SLC7A11: variants seen among roughly 807,000 people sequenced by gnomAD.
The protein encoded by SLC7A11 is cystine/glutamate transporter.
Under a neutral mutation model 54.5 loss-of-function variants are expected in SLC7A11, and 35 were observed. The ratio of observed to expected loss-of-function variants is 0.64; its 90% CI spans 0.49 to 0.85. The LOEUF (loss-of-function observed/expected upper bound fraction) is 0.85. Among genes scored for constraint, SLC7A11 ranks in the 40% least tolerant of loss-of-function variants. SLC7A11 has a pLI of 0.00. For missense variants in SLC7A11, 583 were observed against 618.1 expected, an observed-to-expected ratio of 0.94 and a Z score of 0.60; for synonymous variants, 230 against 225.2, an observed-to-expected ratio of 1.02 and a Z score of -0.19.
intron 1 of SLC7A11, among the ~76,000 whole-genome samples, chr4:138,237,871 C>T (rs1033825210): frequency 2.0e-5 from 3 of 146,554 alleles, no homozygotes; most frequent in African/African-American, 7.6e-5. Flanking sequence ...CCTGCCTCAG[C>T]CTCTCAAGTA....
chr4:138,233,207 T>A (rs2148453902), intron 2 of SLC7A11, among the ~76,000 whole-genome samples: 1 of 142,488 alleles, frequency 7.0e-6, no homozygotes, highest in East Asian at 2.2e-4. Flanking sequence ...TTTTTTGAAA[T>A]GGAGTCTCAC....
At chr4:138,207,737 G>A (rs1001042538) in intron 6 of SLC7A11, among the ~76,000 whole-genome samples, 8 of 151,994 alleles carry the variant, frequency 5.3e-5, no homozygotes, top group Admixed American at 2.0e-4. Flanking sequence ...AAAGCAAGCC[G>A]CATTCCCAAG....
chr4:138,211,400 A>G (rs939841164), intron 6 of SLC7A11, among the ~76,000 whole-genome samples: 1 of 151,898 alleles, frequency 6.6e-6, no homozygotes, highest in Non-Finnish European at 1.5e-5. Context: ...CAGGGGCCAC[A>G]CATGTACCCC....
intron 3 of SLC7A11, among the ~76,000 whole-genome samples, chr4:138,226,440 A>T (rs1737950302): frequency 6.6e-6 from 1 of 152,126 alleles, no homozygotes; most frequent in East Asian, 1.9e-4. Flanking sequence ...AATTTTTTTC[A>T]AAGGGTTCTT....
chr4:138,213,532 C>CCTCTCTCTCTCTCTCT (rs71600143), intron 6 of SLC7A11, among the ~76,000 whole-genome samples: 8 of 148,972 alleles, frequency 5.4e-5, no homozygotes, highest in South Asian at 2.2e-4. Context: ...TTGTGTTTCT[C>CCTCTCTCTCTCTCTCT]CTCTCTCTCT....
chr4:138,237,720 TATATATATATATATATA>T (rs1191133028), intron 1 of SLC7A11, among the ~76,000 whole-genome samples: 117 of 9,208 alleles, frequency 0.013, 2 homozygotes, highest in African/African-American at 0.017. Flanking sequence ...TATATATATA[TATATATATATATATATA>T]TTTTTTTTTT....
At chr4:138,213,776 AG>A (rs1486534857) in intron 6 of SLC7A11, among the ~76,000 whole-genome samples, 6 of 152,166 alleles carry the variant, frequency 3.9e-5, no homozygotes, top group African/African-American at 1.4e-4. Context: ...AAATACTTCA[AG>A]ACAAGTCTTA....
At chr4:138,219,233 C>T (rs1442555940) in intron 5 of SLC7A11, 33 bp downstream of exon 5, 4 of 1,257,818 alleles carry the variant, frequency 3.2e-6, no homozygotes, top group African/African-American at 2.9e-5. Context: ...TAATGAACTA[C>T]GCAAACCACC....
At chr4:138,232,453 T>G in intron 2 of SLC7A11, 71 bp from the exon 3 acceptor site, 1 of 798,040 alleles carries the variant, frequency 1.3e-6, no homozygotes, top group South Asian at 1.6e-5. Context: ...TTTTTCTACC[T>G]TGAGTGTATT....
chr4:138,221,565 G>A (rs935552651), intron 4 of SLC7A11, among the ~76,000 whole-genome samples: 9 of 152,114 alleles, frequency 5.9e-5, no homozygotes, highest in South Asian at 2.1e-4. Context: ...TCTCTGTTGT[G>A]TGAGATCTCT....
chr4:138,199,288 TA>T (rs201774180), intron 6 of SLC7A11, among the ~76,000 whole-genome samples: 5,062 of 151,930 alleles, frequency 0.033, 114 homozygotes, highest in African/African-American at 0.052. Context: ...AATTTCATCA[TA>T]TTTTTTTGGC....
intron 3 of SLC7A11, among the ~76,000 whole-genome samples, chr4:138,226,989 T>G (rs1560737900): frequency 6.6e-6 from 1 of 152,184 alleles, no homozygotes; most frequent in Admixed American, 6.5e-5. Flanking sequence ...GGAAGTGATA[T>G]CTATAAATCC....
intron 5 of SLC7A11, among the ~76,000 whole-genome samples, chr4:138,215,673 C>T (rs923928057): frequency 5.3e-5 from 8 of 151,914 alleles, no homozygotes; most frequent in African/African-American, 1.9e-4. Flanking sequence ...ACAATCAGTA[C>T]TTATATCTGC....
intron 1 of SLC7A11, among the ~76,000 whole-genome samples, chr4:138,237,729 ATATATATATTTTT>A (rs1738261923): frequency 9.7e-5 from 1 of 10,318 alleles, no homozygotes; most frequent in Non-Finnish European, 1.7e-4. Context: ...ATATATATAT[ATATATATATTTTT>A]TTTTTTTTTT....
intron 4 of SLC7A11, among the ~76,000 whole-genome samples, chr4:138,220,636 A>T (rs1290891920): frequency 6.6e-6 from 1 of 152,184 alleles, no homozygotes; most frequent in African/African-American, 2.4e-5. Context: ...ATTCAGATTT[A>T]CTTTAGTCAG....
intron 6 of SLC7A11, among the ~76,000 whole-genome samples, chr4:138,211,658 A>G (rs7691115): frequency 0.41 from 61,528 of 151,760 alleles, 13,357 homozygotes; most frequent in Middle Eastern, 0.61. Context: ...GGATAAGTGG[A>G]TACAGAAAAT....
chr4:138,179,344 AAC>A lies in SLC7A11; in HGVS notation c.1315_1316del (p.Val439CysfsTer10), dbSNP rs1338225591. 1.2e-6 allele frequency: 2 copies of A among 1,612,680 alleles called. No homozygotes were observed. The highest frequency in any genetic ancestry group is 1.7e-6 in the Non-Finnish European group (2 of 1,179,246). On this transcript the variant is annotated frameshift_variant, in exon 11 of 12. Transcript: ENST00000280612. LOFTEE classifies it high-confidence loss of function. Reference sequence around the variant, plus strand: ...ATGGGTCCGAATAGAGGGAAAGGGCAACCATGAAGAGGCATGTGAAGGAAAAC... The same window carrying A: ...ATGGGTCCGAATAGAGGGAAAGGGCACATGAAGAGGCATGTGAAGGAAAAC... ...ALFSFTCLFM[V>X]ALSLYSDPFS...
intron 3 of SLC7A11, 50 bp downstream of exon 3, chr4:138,232,217 T>C (rs1224701954): frequency 2.5e-6 from 3 of 1,212,266 alleles, no homozygotes; most frequent in East Asian, 4.6e-5. Flanking sequence ...TTGTCTTCAA[T>C]CATTTTTGTG....
Position 138,205,276 on chromosome 4 carries a change from T to TA in SLC7A11, c.791+9308dup, listed in dbSNP as rs554763981. On this transcript the variant is annotated intron_variant, in intron 6 of 11. Coordinates refer to ENST00000280612, the MANE Select transcript of SLC7A11 (RefSeq NM_014331.4). ...CAAGTAGATGTTTCTATAGTTCATA[T>TA]AAGTAAAGAAAATATTTTTTTCACT... Among the ~76,000 whole-genome samples, 175 of 152,176 alleles carry TA rather than the reference T, an allele frequency of 1.1e-3. 1 individual carries two copies. Among genetic ancestry groups the TA allele is most frequent in the Non-Finnish European group, 2.0e-3 (136 of 67,960 alleles).
Sources: allele counts gnomAD v4.1 joint callset (sites outside exome capture counted in the v4.1 genomes callset), GRCh38; gene constraint gnomAD v4.1.1; transcripts MANE v1.5; gene names NCBI Gene and HGNC (gene_info 2026-07-23, HGNC 2026-07-21).